TJP1: variants seen among roughly 807,000 people sequenced by gnomAD.
The protein encoded by TJP1 is tight junction protein 1, also known as tight junction protein ZO-1.
TJP1 carries 43 observed loss-of-function variants against 194.2 expected under a neutral mutation model. That is an observed-to-expected ratio of 0.22 (90% CI 0.17 to 0.29). The LOEUF (loss-of-function observed/expected upper bound fraction) is 0.29, where lower values mean the gene tolerates loss of function less well. TJP1 is among the 10% of genes least tolerant of loss of function. TJP1 has a pLI of 1.00. For missense variants in TJP1, 1,971 were observed against 2,185.7 expected (o/e 0.90, Z 1.96); for synonymous variants, 801 against 779.0 (o/e 1.03, Z -0.47).
intron 2 of TJP1, among the ~76,000 whole-genome samples, chr15:29,864,058 T>C (rs1284172446): frequency 6.6e-6 from 1 of 151,938 alleles, no homozygotes; most frequent in Non-Finnish European, 1.5e-5. Flanking sequence ...ACTTTTGTCT[T>C]CAACTGGTAT....
At chr15:29,921,000 T>C (rs2054340552) in intron 2 of TJP1, among the ~76,000 whole-genome samples, 2 of 152,170 alleles carry the variant, frequency 1.3e-5, no homozygotes, top group African/African-American at 2.4e-5. Context: ...AGATACGTGA[T>C]AAAACAAAGT....
At chr15:29,782,730 A>T (rs1305630443) in intron 2 of TJP1, among the ~76,000 whole-genome samples, 1 of 152,144 alleles carries the variant, frequency 6.6e-6, no homozygotes, top group Non-Finnish European at 1.5e-5. Context: ...CTGCACAGCA[A>T]AAGAAACCAT....
intron 1 of TJP1, among the ~76,000 whole-genome samples, chr15:29,808,540 G>T (rs890716055): frequency 2.0e-5 from 3 of 152,122 alleles, no homozygotes; most frequent in African/African-American, 7.2e-5. Flanking sequence ...TAATTTGACT[G>T]CAATGGATTA....
chr15:29,901,593 G>A (rs1192602813), intron 2 of TJP1, among the ~76,000 whole-genome samples: 4 of 152,100 alleles, frequency 2.6e-5, no homozygotes, highest in Admixed American at 1.3e-4. Context: ...AGGCCAAGGC[G>A]GGTGGATCAC....
At position 29,923,399 on chromosome 15, in the gene TJP1, AT is replaced by A. The variant is rs541549787; in HGVS notation, c.306+32832del. ...TATAATTCATGATCACTGCTCCCAA[AT>A]GGGTCCTCAATTCCCTTTCTCTAAC... On this transcript the variant is annotated intron_variant, in intron 2 of 28. Coordinates refer to the TJP1 transcript ENST00000356107. 6.3e-3 allele frequency among the ~76,000 whole-genome samples: 953 copies of A among 152,278 alleles called. 4 individuals are homozygous for A. The highest frequency in any genetic ancestry group is 0.031 in the Middle Eastern group (9 of 294).
rs1461340520 is a variant in TJP1 at position 29,714,364 on chromosome 15, G to A, written c.4202+2247C>T. ...TGCCATTCTCCTGCCTCAGCCTCCA[G>A]AGTAGCTGGGACTACAGGCACCTGC... On this transcript the variant is annotated intron_variant, in intron 23 of 27. Transcript: ENST00000614355. Among the ~76,000 whole-genome samples, 4 of 150,958 alleles carry A rather than the reference G, an allele frequency of 2.6e-5. No individual in the cohort carries two copies. In the East Asian group the frequency reaches 7.8e-4, roughly 29 times the overall value.
At chr15:29,751,733 AG>A (rs2045293407) in intron 8 of TJP1, among the ~76,000 whole-genome samples, 2 of 152,348 alleles carry the variant, frequency 1.3e-5, no homozygotes, top group Admixed American at 6.5e-5. Context: ...AAATCTTATT[AG>A]GATTCTCTCA....
chr15:29,899,737 A>G (rs1450569194), intron 2 of TJP1, among the ~76,000 whole-genome samples: 1 of 152,218 alleles, frequency 6.6e-6, no homozygotes, highest in African/African-American at 2.4e-5. Flanking sequence ...CTCCTAATCA[A>G]TGTGTTAGTC....
At chr15:29,741,936 G>A (rs1402598849) in intron 9 of TJP1, among the ~76,000 whole-genome samples, 1 of 152,096 alleles carries the variant, frequency 6.6e-6, no homozygotes, top group Non-Finnish European at 1.5e-5. Context: ...TTAAAAGGAT[G>A]CTTGGGTCAG....
chr15:29,822,483 C>T (rs1444946213), upstream of TJP1: 1 of 984,938 alleles, frequency 1.0e-6, no homozygotes, highest in Non-Finnish European at 1.2e-6. Context: ...ACCTGCCGGC[C>T]CGGCCCACTG....
rs1280346633 is a variant in TJP1 at position 29,704,098 on chromosome 15, C to T, written c.5212+64G>A. 2.1e-5 allele frequency: 31 copies of T among 1,505,278 alleles called. No homozygotes were observed. The Middle Eastern group carries it at 6.0e-4, about 29-fold the overall frequency. The allele number at this position is 1,505,278 out of a possible 1,614,324, so 93.2% of individuals were successfully genotyped here. Reference sequence around the variant, plus strand: ...TAACACACAGCATGGGCAGCATCATCAGCCCAGGTATTAATCAACGACAGT... The same window carrying T: ...TAACACACAGCATGGGCAGCATCATTAGCCCAGGTATTAATCAACGACAGT... On this transcript the variant is annotated intron_variant, in intron 27 of 27. Transcript: ENST00000614355.
intron 2 of TJP1, among the ~76,000 whole-genome samples, chr15:29,919,548 A>G (rs1015887723): frequency 3.9e-5 from 6 of 152,162 alleles, no homozygotes; most frequent in Non-Finnish European, 8.8e-5. Context: ...GTAATGTCCT[A>G]TGAGGAAAAT....
intron 2 of TJP1, among the ~76,000 whole-genome samples, chr15:29,892,181 C>A (rs1018676977): frequency 1.3e-5 from 2 of 151,906 alleles, no homozygotes; most frequent in African/African-American, 4.8e-5. Context: ...AAACCAGCCA[C>A]AACATTCCCT....
intron 2 of TJP1, among the ~76,000 whole-genome samples, chr15:29,891,085 G>A (rs2053291996): frequency 6.6e-6 from 1 of 152,244 alleles, no homozygotes; most frequent in Non-Finnish European, 1.5e-5. Flanking sequence ...ACAACTGAAT[G>A]AAGTCAGGAG....
At chr15:29,848,214 ATG>A (rs1432803444) in intron 2 of TJP1, among the ~76,000 whole-genome samples, 1 of 151,724 alleles carries the variant, frequency 6.6e-6, no homozygotes, top group African/African-American at 2.4e-5. Context: ...TGTTCTGCAG[ATG>A]TTAATCAGAT....
In TJP1 at chr15:29,700,361, T is replaced by G. The variant is rs1475411982; in HGVS notation, c.*1234A>C. ...ATCACAAATTACAGTAGGGATACTT[T>G]GCAAGAATTTAATCAAACTAGAGAA... On this transcript the variant is annotated 3_prime_UTR_variant, in exon 28 of 28. Coordinates refer to ENST00000614355, the MANE Select transcript of TJP1 (RefSeq NM_001330239.4). 6 of 398,980 alleles carry G rather than the reference T, an allele frequency of 1.5e-5. No individual in the cohort carries two copies. The East Asian group carries it at 1.8e-4, about 12-fold the overall frequency. 24.7% of individuals were successfully genotyped at this position (398,980 alleles called of 1,614,324 possible).
chr15:29,870,073 AC>A (rs892508978), intron 2 of TJP1, among the ~76,000 whole-genome samples: 1 of 144,018 alleles, frequency 6.9e-6, no homozygotes, highest in Non-Finnish European at 1.5e-5. Context: ...GCAATCCACC[AC>A]CCCGCCCCCC....
At chr15:29,829,800 A>T (rs1237340035) in intron 2 of TJP1, among the ~76,000 whole-genome samples, 1 of 152,132 alleles carries the variant, frequency 6.6e-6, no homozygotes, top group Non-Finnish European at 1.5e-5. Flanking sequence ...AAAACACTGC[A>T]TTTTAAAAAG....
At position 29,718,050 on chromosome 15, in the gene TJP1, T is replaced by C. The variant is rs2042675739; in HGVS notation, c.3945A>G (p.Gln1315=). 1.2e-6 allele frequency: 2 copies of C among 1,612,928 alleles called. No individual in the cohort carries two copies. Among genetic ancestry groups the C allele is most frequent in the South Asian group, 1.1e-5 (1 of 90,980 alleles). ...ACAGAGTTTTGTCATGTTCACTGAA[T>C]TGATTCTGAGAAGTGGGTTTGGGAC... ...IIGPKPTSQN[Q]FSEHDKTLYR... The change falls in exon 22 of 28, where the codon CAA becomes CAG. Residue 1315 remains glutamine (Q), a synonymous_variant. Coordinates refer to ENST00000614355, the MANE Select transcript of TJP1 (RefSeq NM_001330239.4).
Sources: gnomAD v4.1 joint callset for allele counts (sites outside exome capture counted in the v4.1 genomes callset) on GRCh38, gnomAD v4.1.1 for gene constraint, MANE v1.5 for transcripts, NCBI Gene and HGNC (gene_info 2026-07-23, HGNC 2026-07-21) for gene names.